The following PITPNA variants were observed in gnomAD, a reference collection of about 807,000 sequenced individuals.
The protein encoded by PITPNA is phosphatidylinositol transfer protein alpha isoform.
Under a neutral mutation model 50.3 loss-of-function variants are expected in PITPNA, and 13 were observed. The ratio of observed to expected loss-of-function variants is 0.26; its 90% CI spans 0.17 to 0.41. PITPNA has a LOEUF of 0.41. Ranked by LOEUF, PITPNA falls within the 10% of genes least tolerant of loss-of-function variation. The pLI is 1.00. For missense variants in PITPNA, 207 were observed against 333.4 expected, an observed-to-expected ratio of 0.62 and a Z score of 2.95; for synonymous variants, 120 against 119.6, an observed-to-expected ratio of 1.00 and a Z score of -0.02.
intron 1 of PITPNA, among the ~76,000 whole-genome samples, chr17:1,559,030 A>G (rs2075754958): frequency 1.3e-5 from 2 of 152,232 alleles, no homozygotes; most frequent in East Asian, 1.9e-4. Context: ...AGGACCTATC[A>G]TGGTGAGGAT....
intron 4 of PITPNA, among the ~76,000 whole-genome samples, chr17:1,545,892 C>A (rs1158422462): frequency 2.0e-5 from 3 of 147,684 alleles, no homozygotes; most frequent in African/African-American, 7.5e-5. Flanking sequence ...CTAGACCAGA[C>A]ACACCCAGCC....
chr17:1,538,998 A>G, intron 6 of PITPNA, 46 bp from the exon 7 acceptor site: 1 of 1,323,526 alleles, frequency 7.6e-7, no homozygotes, highest in Admixed American at 1.7e-5. Flanking sequence ...TGTCAGTTAT[A>G]AAATATCCTT....
intron 7 of PITPNA, among the ~76,000 whole-genome samples, chr17:1,536,319 G>A (rs1369660967): frequency 4.9e-5 from 7 of 143,938 alleles, no homozygotes; most frequent in African/African-American, 1.3e-4. Context: ...AGGGAGTCTC[G>A]CTCTGTTGGC....
intron 6 of PITPNA, among the ~76,000 whole-genome samples, chr17:1,539,643 C>T (rs1489476303): frequency 6.6e-6 from 1 of 152,118 alleles, no homozygotes; most frequent in African/African-American, 2.4e-5. Context: ...AGTGATCCTC[C>T]TGTCTCAGCC....
chr17:1,562,709 C>G lies in PITPNA; in HGVS notation c.-149G>C. 5 of 384,486 alleles carry G rather than the reference C, an allele frequency of 1.3e-5. No homozygotes were observed. Among genetic ancestry groups the G allele is most frequent in the Non-Finnish European group, 1.8e-5 (5 of 274,826 alleles). The allele number at this position is 384,486 out of a possible 1,614,324, so 23.8% of individuals were successfully genotyped here. Reference sequence around the variant, plus strand: ...TCCCCGCCGCCCTCGCCGCGGTCGCCGCGCCGGCTCCTGCCGCCCGGGCCT... The same window carrying G: ...TCCCCGCCGCCCTCGCCGCGGTCGCGGCGCCGGCTCCTGCCGCCCGGGCCT... On this transcript the variant is annotated 5_prime_UTR_variant, in exon 1 of 12. Transcript: ENST00000313486. The surrounding 1 kb of genome is among the most constrained non-coding windows in gnomAD (Gnocchi z 6.4).
At chr17:1,548,497 A>G (rs2075690713) in intron 3 of PITPNA, 110 bp from the exon 4 acceptor site, 1 of 727,524 alleles carries the variant, frequency 1.4e-6, no homozygotes, top group African/African-American at 1.8e-5. Flanking sequence ...GTTTCCATGC[A>G]ATGAGCAGGT....
At position 1,558,394 on chromosome 17, in the gene PITPNA, C is replaced by T. The variant is rs563299341; in HGVS notation, c.51+135G>A. ...CATTTTTCAACTGAAAGTGGCACCA[C>T]GAAATTCACATTGAAATATTTATGT... On this transcript the variant is annotated intron_variant, in intron 2 of 11. Coordinates refer to ENST00000313486, the MANE Select transcript of PITPNA (RefSeq NM_006224.4). 1.7e-5 allele frequency: 11 copies of T among 661,072 alleles called. No individual in the cohort carries two copies. In the East Asian group the frequency reaches 2.5e-4, roughly 15 times the overall value. The allele number at this position is 661,072 out of a possible 1,614,324, so 41.0% of individuals were successfully genotyped here.
chr17:1,547,543 G>T (rs2075682325), intron 4 of PITPNA, among the ~76,000 whole-genome samples: 1 of 152,002 alleles, frequency 6.6e-6, no homozygotes. Flanking sequence ...CCAGCTACTT[G>T]TATGGCTGGG....
intron 1 of PITPNA, among the ~76,000 whole-genome samples, chr17:1,559,235 T>C (rs1310971760): frequency 3.3e-5 from 5 of 152,188 alleles, no homozygotes. Flanking sequence ...ATTCAACTTA[T>C]GTCCTGACCT....
chr17:1,553,235 G>GC, intron 2 of PITPNA, 86 bp from the exon 3 acceptor site: 2 of 1,457,232 alleles, frequency 1.4e-6, no homozygotes, highest in Non-Finnish European at 1.9e-6. Flanking sequence ...TGTCTAACTG[G>GC]ATCTCCCTGG....
chr17:1,534,109 TGTCTCTTC>T lies in PITPNA; in HGVS notation c.750_757del (p.Lys251AlafsTer3). On this transcript the variant is annotated frameshift_variant, in exon 10 of 12. Coordinates refer to ENST00000313486, the MANE Select transcript of PITPNA (RefSeq NM_006224.4). LOFTEE classifies it high-confidence loss of function. ...AGAGCCCCCACTTACTTCATCCAGC[TGTCTCTTC>T]GTCTCTTCTTCCATCCTTCGAATGT... 1 of 1,613,822 alleles carries T rather than the reference TGTCTCTTC, an allele frequency of 6.2e-7. No individual in the cohort carries two copies. The highest frequency in any genetic ancestry group is 2.2e-5 in the East Asian group (1 of 44,860).
intron 10 of PITPNA, among the ~76,000 whole-genome samples, chr17:1,528,054 G>T (rs2075558575): frequency 6.6e-6 from 1 of 152,142 alleles, no homozygotes; most frequent in Non-Finnish European, 1.5e-5. Context: ...AGGTAGGCGT[G>T]GTGGCCTGCA....
intron 2 of PITPNA, among the ~76,000 whole-genome samples, chr17:1,557,547 C>A (rs148630391): frequency 2.0e-5 from 3 of 152,094 alleles, no homozygotes; most frequent in South Asian, 2.1e-4. Flanking sequence ...AACAAGGCTG[C>A]GCCAGGAGAG....
At chr17:1,533,602 T>G (rs1229781063) in intron 10 of PITPNA, among the ~76,000 whole-genome samples, 1 of 152,160 alleles carries the variant, frequency 6.6e-6, no homozygotes, top group Non-Finnish European at 1.5e-5. Context: ...ACCCTCCTTC[T>G]GCGATCCACG....
chr17:1,535,422 G>A lies in PITPNA; in HGVS notation c.534+19C>T, dbSNP rs879532237. The stretch of plus-strand genomic sequence containing the variant: ...CCACATGCTGCCCAGCCCCCTGGCA[G>A]TGAAGGTGTGAATGGTACCTTCCAA... On this transcript the variant is annotated intron_variant, in intron 8 of 11. Transcript: ENST00000313486. The A allele has an allele frequency of 7.5e-6, 12 of 1,596,778 alleles. No homozygotes were observed. Among genetic ancestry groups the A allele is most frequent in the Non-Finnish European group, 1.0e-5 (12 of 1,164,262 alleles).
rs1340041220 is a variant in PITPNA, at chr17:1,562,135, C to A, written c.20+406G>T. Among the ~76,000 whole-genome samples the A allele has an allele frequency of 6.6e-6, 1 of 152,172 alleles. No homozygotes were observed. The highest frequency in any genetic ancestry group is 1.9e-4 in the East Asian group (1 of 5,186). ...TGACCCCGTCTCGGGCCTGGCCTCGCCCTCGCTGTCCCCGGCCTCTCCTCG... is the reference window on the plus strand; with the variant it reads ...TGACCCCGTCTCGGGCCTGGCCTCGACCTCGCTGTCCCCGGCCTCTCCTCG... On this transcript the variant is annotated intron_variant, in intron 1 of 11. Coordinates refer to ENST00000313486, the MANE Select transcript of PITPNA (RefSeq NM_006224.4). This position sits in a 1 kb window ranked among gnomAD's most constrained non-coding sequence, Gnocchi z 6.4.
intron 4 of PITPNA, among the ~76,000 whole-genome samples, chr17:1,543,850 T>G (rs926186458): frequency 6.6e-6 from 1 of 152,176 alleles, no homozygotes; most frequent in Non-Finnish European, 1.5e-5. Flanking sequence ...AGCACCAGAT[T>G]AAGATTACAA....
At chr17:1,541,115 T>C (rs1339098171) in intron 6 of PITPNA, among the ~76,000 whole-genome samples, 2 of 152,194 alleles carry the variant, frequency 1.3e-5, no homozygotes, top group Non-Finnish European at 2.9e-5. Context: ...TTGCCCAGGA[T>C]GGTCTTACAT....
chr17:1,547,675 T>C (rs1311845184), intron 4 of PITPNA, among the ~76,000 whole-genome samples: 1 of 149,402 alleles, frequency 6.7e-6, no homozygotes, highest in Non-Finnish European at 1.5e-5. Flanking sequence ...ATAAAATAAA[T>C]AGTAATGATC....
Sources: gnomAD v4.1 joint callset for allele counts (sites outside exome capture counted in the v4.1 genomes callset) on GRCh38, gnomAD v4.1.1 for gene constraint, Gnocchi (gnomAD v3.1) non-coding constraint, MANE v1.5 for transcripts, NCBI Gene and HGNC (gene_info 2026-07-23, HGNC 2026-07-21) for gene names.